Variants in ANKS1B observed in about 807,000 individuals in gnomAD.
The protein encoded by ANKS1B is ankyrin repeat and sterile alpha motif domain-containing protein 1B.
Under a neutral mutation model 148.3 loss-of-function variants are expected in ANKS1B, and 36 were observed. The ratio of observed to expected loss-of-function variants is 0.24; its 90% CI spans 0.19 to 0.32. ANKS1B has a LOEUF of 0.32. Ranked by LOEUF, ANKS1B falls within the 10% of genes least tolerant of loss-of-function variation. The pLI is 1.00. For missense variants in ANKS1B, 1,157 were observed against 1,542.6 expected (o/e 0.75, Z 4.19); for synonymous variants, 542 against 560.8 (o/e 0.97, Z 0.47).
At chr12:99,719,703 T>G (rs1324021567) in intron 8 of ANKS1B, among the ~76,000 whole-genome samples, 2 of 152,172 alleles carry the variant, frequency 1.3e-5, no homozygotes, top group East Asian at 3.8e-4. Context: ...GCGAGAGGTT[T>G]CCTCACTACA....
chr12:99,625,820 G>T (rs2098107150), intron 9 of ANKS1B, among the ~76,000 whole-genome samples: 1 of 152,126 alleles, frequency 6.6e-6, no homozygotes, highest in South Asian at 2.1e-4. Flanking sequence ...AGTAAGAAAA[G>T]AAATGGAAAT....
chr12:99,887,813 C>T (rs902361017), intron 1 of ANKS1B, among the ~76,000 whole-genome samples: 1 of 152,208 alleles, frequency 6.6e-6, no homozygotes, highest in Non-Finnish European at 1.5e-5. Context: ...TGCAGTTAAA[C>T]TTCCATAGTG....
rs1481037755 is a variant in ANKS1B at position 99,483,015 on chromosome 12, T to A, written c.1438+21461A>T. On this transcript the variant is annotated intron_variant, in intron 10 of 26. Transcript: ENST00000683438. ...CTTTATCTTGCTTAATTGCTCTGGC[T>A]AGGACTTCCAGGAATATGCTGAAAA... Among the ~76,000 whole-genome samples, 6 of 151,956 alleles carry A rather than the reference T, an allele frequency of 3.9e-5. No homozygotes were observed. The East Asian group carries it at 7.8e-4, about 20-fold the overall frequency.
rs78024598 is a variant in ANKS1B at position 99,349,979 on chromosome 12, C to T, written c.1756+49652G>A. Among the ~76,000 whole-genome samples the T allele has an allele frequency of 4.5e-3, 688 of 152,012 alleles. 32 individuals carry two copies. In the East Asian group the frequency reaches 0.083, roughly 18 times the overall value. ...ATGTATATTTTATCACAATAAAAAA[C>T]GTTTACCTATTGATATGGTTTGGAT... On this transcript the variant is annotated intron_variant, in intron 12 of 26. Coordinates refer to ENST00000683438, the MANE Select transcript of ANKS1B (RefSeq NM_001352186.2).
At chr12:99,317,992 GC>G (rs2084474598) in intron 12 of ANKS1B, among the ~76,000 whole-genome samples, 1 of 152,174 alleles carries the variant, frequency 6.6e-6, no homozygotes, top group African/African-American at 2.4e-5. Context: ...TGTTGAACCA[GC>G]CTTGCATCCT....
chr12:99,476,167 C>T (rs1351005420), intron 10 of ANKS1B, among the ~76,000 whole-genome samples: 3 of 152,056 alleles, frequency 2.0e-5, no homozygotes, highest in African/African-American at 4.8e-5. Flanking sequence ...CTGAGGCAAG[C>T]GGATTACTTG....
intron 12 of ANKS1B, among the ~76,000 whole-genome samples, chr12:99,385,985 A>G (rs2093843320): frequency 6.6e-6 from 1 of 152,206 alleles, no homozygotes; most frequent in Admixed American, 6.5e-5. Flanking sequence ...ACATGTGCTT[A>G]TGTGCTTTTC....
At chr12:98,942,441 A>G (rs1288686770) in intron 17 of ANKS1B, among the ~76,000 whole-genome samples, 1 of 152,190 alleles carries the variant, frequency 6.6e-6, no homozygotes, top group Non-Finnish European at 1.5e-5. Context: ...GAGGTCAGCC[A>G]CTTGACAAAG....
chr12:98,894,983 C>T, intron 17 of ANKS1B: 1 of 801,952 alleles, frequency 1.2e-6, no homozygotes, highest in Non-Finnish European at 1.5e-6. Context: ...CGCGCCTGCC[C>T]TGGCGGCAGC....
chr12:99,582,952 T>G (rs1334864223), intron 9 of ANKS1B, among the ~76,000 whole-genome samples: 1 of 152,192 alleles, frequency 6.6e-6, no homozygotes, highest in Non-Finnish European at 1.5e-5. Context: ...CTGAAATACC[T>G]GTCCCCCTTT....
intron 17 of ANKS1B, among the ~76,000 whole-genome samples, chr12:98,845,123 G>C (rs2099444507): frequency 6.6e-6 from 1 of 152,008 alleles, no homozygotes; most frequent in South Asian, 2.1e-4. Context: ...TAATGGGGAG[G>C]GAATGAACCC....
intron 9 of ANKS1B, among the ~76,000 whole-genome samples, chr12:99,646,537 C>G (rs2098367390): frequency 6.6e-6 from 1 of 151,350 alleles, no homozygotes; most frequent in Non-Finnish European, 1.5e-5. Flanking sequence ...GCCTGTAGTC[C>G]CAGCTACTAG....
At chr12:99,469,384 T>C (rs1039685931) in intron 10 of ANKS1B, among the ~76,000 whole-genome samples, 3 of 151,838 alleles carry the variant, frequency 2.0e-5, no homozygotes, top group Non-Finnish European at 4.4e-5. Flanking sequence ...GGCACATGTA[T>C]ACATATGTAA....
chr12:99,656,253 T>A (rs2153446991), intron 8 of ANKS1B, among the ~76,000 whole-genome samples: 1 of 152,084 alleles, frequency 6.6e-6, no homozygotes, highest in Middle Eastern at 3.4e-3. Context: ...CGGTTTATAT[T>A]CCCAGATAAA....
chr12:99,495,304 A>G (rs541942379), intron 10 of ANKS1B, among the ~76,000 whole-genome samples: 2 of 151,938 alleles, frequency 1.3e-5, no homozygotes, highest in African/African-American at 4.8e-5. Flanking sequence ...CATGTTATTC[A>G]CACACAGTGG....
intron 8 of ANKS1B, among the ~76,000 whole-genome samples, chr12:99,748,099 G>C (rs1484173532): frequency 6.6e-6 from 1 of 152,030 alleles, no homozygotes; most frequent in Non-Finnish European, 1.5e-5. Flanking sequence ...AGCTCATCTT[G>C]TTAGAGAAAG....
At chr12:98,942,385 C>T (rs1022556106) in intron 17 of ANKS1B, among the ~76,000 whole-genome samples, 7 of 152,154 alleles carry the variant, frequency 4.6e-5, no homozygotes, top group African/African-American at 1.7e-4. Context: ...TCAAGCTGAA[C>T]AGGAGAAAGA....
intron 14 of ANKS1B, among the ~76,000 whole-genome samples, chr12:99,168,232 T>G (rs928967705): frequency 5.9e-5 from 9 of 152,274 alleles, no homozygotes; most frequent in Non-Finnish European, 1.0e-4. Context: ...CTTTAAAAAG[T>G]TAAGCTGGGT....
intron 17 of ANKS1B, among the ~76,000 whole-genome samples, chr12:99,028,596 G>A (rs1451020438): frequency 6.6e-6 from 1 of 152,162 alleles, no homozygotes; most frequent in Non-Finnish European, 1.5e-5. Context: ...GAAATTATAA[G>A]CCTTTTACTG....
Sources: gnomAD v4.1 joint callset for allele counts (sites outside exome capture counted in the v4.1 genomes callset) on GRCh38, gnomAD v4.1.1 for gene constraint, MANE v1.5 for transcripts, NCBI Gene and HGNC (gene_info 2026-07-23, HGNC 2026-07-21) for gene names.